Variants in ERCC6L2 observed in about 807,000 individuals in gnomAD.
ERCC6L2 encodes DNA excision repair protein ERCC-6-like 2.
ERCC6L2 carries 77 observed loss-of-function variants against 132.0 expected under a neutral mutation model. That is an observed-to-expected ratio of 0.58 (90% CI 0.49 to 0.71). ERCC6L2 has a LOEUF of 0.71. Ranked by LOEUF, ERCC6L2 falls within the 30% of genes least tolerant of loss-of-function variation. ERCC6L2 has a pLI of 0.00. For missense variants in ERCC6L2, 1,542 were observed against 1,837.6 expected (o/e 0.84, Z 2.94); for synonymous variants, 583 against 632.4 (o/e 0.92, Z 1.17).
In ERCC6L2 at chr9:95,921,344, A is replaced by T. The variant is rs759491086; in HGVS notation, c.1299+29A>T. ...AGCATTTCAATATATCTTTATAATC[A>T]TGCTTTTGATTACATAGTACTCTCT... On this transcript the variant is annotated intron_variant, in intron 7 of 18. Transcript: ENST00000653738. 3.2e-6 allele frequency: 5 copies of T among 1,584,104 alleles called. No individual in the cohort carries two copies. The South Asian group carries it at 5.7e-5, about 18-fold the overall frequency.
chr9:95,982,005 T>C (rs572685523), intron 17 of ERCC6L2, among the ~76,000 whole-genome samples: 4 of 152,320 alleles, frequency 2.6e-5, no homozygotes, highest in Admixed American at 2.6e-4. Context: ...ACTATATCTG[T>C]ATTTTTATAA....
intron 17 of ERCC6L2, among the ~76,000 whole-genome samples, chr9:96,000,014 G>T (rs1009863117): frequency 1.3e-5 from 2 of 151,104 alleles, no homozygotes; most frequent in African/African-American, 4.9e-5. Context: ...TCAGCCTCCC[G>T]AGTAGCTGGG....
At chr9:95,944,132 C>T (rs2149100) in intron 12 of ERCC6L2, among the ~76,000 whole-genome samples, 14,603 of 152,094 alleles carry the variant, frequency 0.096, 803 homozygotes, top group Admixed American at 0.14. Context: ...AAATGTCCAT[C>T]GATGGATGAA....
chr9:95,887,014 G>C (rs573367557), intron 2 of ERCC6L2, among the ~76,000 whole-genome samples: 1 of 152,322 alleles, frequency 6.6e-6, no homozygotes, highest in East Asian at 1.9e-4. Flanking sequence ...TTGCTCTTCA[G>C]CCTGCAGACA....
intron 12 of ERCC6L2, among the ~76,000 whole-genome samples, chr9:95,943,320 A>G (rs1386859999): frequency 6.6e-6 from 1 of 152,172 alleles, no homozygotes; most frequent in East Asian, 1.9e-4. Context: ...GGAAAGGACC[A>G]GGATACCCTG....
intron 12 of ERCC6L2, chr9:95,954,915 AG>A (rs2132979156): frequency 2.1e-6 from 1 of 470,742 alleles, no homozygotes; most frequent in South Asian, 1.6e-5. Flanking sequence ...CATTGTGAGG[AG>A]GGACAGGTAA....
At chr9:95,883,878 A>G (rs908431019) in intron 2 of ERCC6L2, among the ~76,000 whole-genome samples, 5 of 152,184 alleles carry the variant, frequency 3.3e-5, no homozygotes, top group African/African-American at 1.2e-4. Flanking sequence ...AAGAAGAAAC[A>G]TGAGGGTACT....
rs575833164 is a variant in ERCC6L2 at position 95,996,677 on chromosome 9, C to T, written c.3493-7843C>T. On this transcript the variant is annotated intron_variant, in intron 17 of 18. Coordinates refer to ENST00000653738, the MANE Select transcript of ERCC6L2 (RefSeq NM_020207.7). Reference sequence around the variant, plus strand: ...ATGCCAAATCTATTCCACTTGTGCTCCATAAATGAACCAACAAAGCCTGGA... The same window carrying T: ...ATGCCAAATCTATTCCACTTGTGCTTCATAAATGAACCAACAAAGCCTGGA... Among the ~76,000 whole-genome samples, 14 of 152,290 alleles carry T rather than the reference C, an allele frequency of 9.2e-5. No individual in the cohort carries two copies. The East Asian group carries it at 1.7e-3, about 19-fold the overall frequency.
intron 19 of ERCC6L2, among the ~76,000 whole-genome samples, chr9:96,036,770 T>TTATTA (rs1428462335): frequency 8.6e-6 from 1 of 116,626 alleles, no homozygotes; most frequent in African/African-American, 3.0e-5. Context: ...ATTATTTTTA[T>TTATTA]TTATTTTTTT....
chr9:95,936,867 G>C (rs1195743113), intron 11 of ERCC6L2, among the ~76,000 whole-genome samples: 1 of 152,134 alleles, frequency 6.6e-6, no homozygotes, highest in Non-Finnish European at 1.5e-5. Context: ...TATGTAAAGG[G>C]AGTCATAAAG....
chr9:96,008,132 G>A (rs1266715817), intron 18 of ERCC6L2, among the ~76,000 whole-genome samples: 1 of 152,180 alleles, frequency 6.6e-6, no homozygotes, highest in East Asian at 1.9e-4. Flanking sequence ...TATTTTGCCA[G>A]GAGACTGACC....
rs1834154168 is a variant in ERCC6L2, at chr9:96,015,026, T to TTTTG, written c.*1826_*1827insGTTT. Among the ~76,000 whole-genome samples, 1 of 128,486 alleles carries TTTTG rather than the reference T, an allele frequency of 7.8e-6. No homozygotes were observed. The highest frequency in any genetic ancestry group is 3.1e-5 in the African/African-American group (1 of 32,100). 84.3% of individuals were successfully genotyped at this position (128,486 alleles called of 152,430 possible). On this transcript the variant is annotated 3_prime_UTR_variant, in exon 19 of 19. Coordinates refer to ENST00000653738, the MANE Select transcript of ERCC6L2 (RefSeq NM_020207.7). ...TTCATATATGTACAGTTTTTTTTTT[T>TTTTG]TTTTTTTTTTTTTTGAGATTGAGTC...
rs554713979 is a variant in ERCC6L2 at position 96,013,142 on chromosome 9, G to A, written c.4592G>A (p.Trp1531Ter). The A allele has an allele frequency of 7.3e-7, 1 of 1,367,088 alleles. No individual in the cohort carries two copies. Among genetic ancestry groups the A allele is most frequent in the Non-Finnish European group, 9.8e-7 (1 of 1,021,726 alleles). 84.7% of individuals were successfully genotyped at this position (1,367,088 alleles called of 1,614,324 possible). The change falls in exon 19 of 19, where the codon TGG becomes TAG. Residue 1531 changes from tryptophan (W) to a stop codon, truncating the protein, a stop_gained. Coordinates refer to ENST00000653738, the MANE Select transcript of ERCC6L2 (RefSeq NM_020207.7). LOFTEE classifies it low-confidence loss of function (END_TRUNC). ...SLWKSNEKFL[W>*]KKFSPSDTDE... ...TGGAAATCAAATGAGAAATTTTTAT[G>A]GAAGAAATTTAGCCCAAGTGATACA...
chr9:96,029,303 CAA>C (rs201014094), intron 19 of ERCC6L2, among the ~76,000 whole-genome samples: 8,540 of 81,502 alleles, frequency 0.1, 241 homozygotes, highest in South Asian at 0.16. Flanking sequence ...GACTCCGTCT[CAA>C]AAAAAAAAAA....
intron 4 of ERCC6L2, among the ~76,000 whole-genome samples, chr9:95,910,360 T>G (rs138077478): frequency 0.018 from 2,720 of 152,246 alleles, 86 homozygotes; most frequent in African/African-American, 0.061. Flanking sequence ...TATCTTGATG[T>G]TTTATCTGAT....
intron 2 of ERCC6L2, among the ~76,000 whole-genome samples, chr9:95,895,170 A>G (rs1001339993): frequency 6.6e-6 from 1 of 152,178 alleles, no homozygotes; most frequent in Non-Finnish European, 1.5e-5. Context: ...TTTTATTATC[A>G]ATATTAAGTT....
intron 4 of ERCC6L2, among the ~76,000 whole-genome samples, chr9:95,910,150 A>G (rs1460218869): frequency 1.3e-5 from 2 of 152,178 alleles, no homozygotes; most frequent in African/African-American, 2.4e-5. Flanking sequence ...ATTGGCTTAC[A>G]GTATCTGAGA....
In ERCC6L2 at chr9:95,998,441, T is replaced by C. The variant is rs189085881; in HGVS notation, c.3493-6079T>C. Reference sequence around the variant, plus strand: ...ATCAGCTGACCTTGAGATGGGTCAATTGGATGTATGCAGTTAAGGATGTTA... The same window carrying C: ...ATCAGCTGACCTTGAGATGGGTCAACTGGATGTATGCAGTTAAGGATGTTA... On this transcript the variant is annotated intron_variant, in intron 17 of 18. Coordinates refer to ENST00000653738, the MANE Select transcript of ERCC6L2 (RefSeq NM_020207.7). Among the ~76,000 whole-genome samples the C allele has an allele frequency of 7.8e-4, 119 of 152,304 alleles. 1 individual carries two copies. The Middle Eastern group carries it at 0.014, about 17-fold the overall frequency.
chr9:96,032,257 C>G (rs1471931174), intron 19 of ERCC6L2, among the ~76,000 whole-genome samples: 1 of 152,174 alleles, frequency 6.6e-6, no homozygotes, highest in East Asian at 1.9e-4. Context: ...CCCATGCCTT[C>G]CACTGGAAAC....
Sources: gnomAD v4.1 joint callset for allele counts (sites outside exome capture counted in the v4.1 genomes callset) on GRCh38, gnomAD v4.1.1 for gene constraint, MANE v1.5 for transcripts, NCBI Gene and HGNC (gene_info 2026-07-23, HGNC 2026-07-21) for gene names.